Variants in NXN observed in about 807,000 individuals in gnomAD.
NXN encodes the protein nucleoredoxin 1.
In NXN, 16 loss-of-function variants were observed where a neutral mutation model predicts 48.6. That is an observed-to-expected ratio of 0.33 (90% CI 0.22 to 0.50). The LOEUF (loss-of-function observed/expected upper bound fraction) is 0.50. Ranked by LOEUF, NXN falls within the 20% of genes least tolerant of loss-of-function variation. The pLI is 0.98. For synonymous variants in NXN, 281 were observed against 269.6 expected, an observed-to-expected ratio of 1.04 and a Z score of -0.41; for missense variants, 492 against 605.5, an observed-to-expected ratio of 0.81 and a Z score of 1.97.
At chr17:964,847 A>G (rs2069283289) in intron 1 of NXN, among the ~76,000 whole-genome samples, 1 of 152,266 alleles carries the variant, frequency 6.6e-6, no homozygotes. Context: ...GTCTATGGAT[A>G]ATTTTGAAAC....
chr17:883,848 C>G (rs576630502), intron 1 of NXN, among the ~76,000 whole-genome samples: 4 of 152,158 alleles, frequency 2.6e-5, no homozygotes, highest in Non-Finnish European at 4.4e-5. Flanking sequence ...CCCAGGCAGG[C>G]GGATGACCTG....
At chr17:876,675 T>G (rs2068219399) in intron 1 of NXN, among the ~76,000 whole-genome samples, 1 of 152,172 alleles carries the variant, frequency 6.6e-6, no homozygotes, top group African/African-American at 2.4e-5. Context: ...AATACCATCT[T>G]CATTCCTCAT....
intron 5 of NXN, among the ~76,000 whole-genome samples, chr17:806,948 G>A (rs590002): frequency 0.23 from 32,607 of 139,424 alleles, 3,559 homozygotes; most frequent in East Asian, 0.26. Flanking sequence ...ACACACACAC[G>A]CACGCGCCCA....
intron 5 of NXN, among the ~76,000 whole-genome samples, chr17:812,716 G>A (rs1344802278): frequency 2.0e-5 from 3 of 146,958 alleles, no homozygotes; most frequent in African/African-American, 7.5e-5. Context: ...TTGCATGTGA[G>A]TGTAGGGTGT....
At position 816,103 on chromosome 17, in the gene NXN, T is replaced by C. The variant is rs576896802; in HGVS notation, c.820+3336A>G. On this transcript the variant is annotated intron_variant, in intron 5 of 7. Transcript: ENST00000336868. The stretch of plus-strand genomic sequence containing the variant: ...TAACGCTTGGGAGAGACCTGGGCCC[T>C]ACGTAGCTGACTAGCATCTCACCTG... Among the ~76,000 whole-genome samples, 10 of 152,276 alleles carry C rather than the reference T, an allele frequency of 6.6e-5. No homozygotes were observed. In the South Asian group the frequency reaches 1.9e-3, roughly 28 times the overall value.
intron 1 of NXN, among the ~76,000 whole-genome samples, chr17:870,393 G>A (rs1329511143): frequency 1.3e-5 from 2 of 152,012 alleles, no homozygotes; most frequent in African/African-American, 4.8e-5. Context: ...CTGTTATCAC[G>A]TGATCAGAGT....
At chr17:944,741 G>A (rs750525688) in intron 1 of NXN, among the ~76,000 whole-genome samples, 1 of 152,264 alleles carries the variant, frequency 6.6e-6, no homozygotes, top group South Asian at 2.1e-4. Context: ...TGGGATTCCA[G>A]TGAGTTTGTA....
chr17:848,631 G>A (rs1018597692), intron 1 of NXN, among the ~76,000 whole-genome samples: 1 of 152,212 alleles, frequency 6.6e-6, no homozygotes, highest in African/African-American at 2.4e-5. Context: ...CAGTATTCGT[G>A]CATGTCACTT....
intron 1 of NXN, among the ~76,000 whole-genome samples, chr17:955,315 G>C (rs758012831): frequency 6.6e-6 from 1 of 151,680 alleles, no homozygotes; most frequent in Non-Finnish European, 1.5e-5. Flanking sequence ...TTACAGGCAT[G>C]CGCCACCACA....
intron 1 of NXN, among the ~76,000 whole-genome samples, chr17:853,085 C>A (rs1170155705): frequency 4.0e-5 from 6 of 151,682 alleles, no homozygotes; most frequent in Admixed American, 3.3e-4. Context: ...TCAAGCGATT[C>A]TCCTGCTTCA....
At chr17:905,675 G>C (rs1354430090) in intron 1 of NXN, among the ~76,000 whole-genome samples, 1 of 152,136 alleles carries the variant, frequency 6.6e-6, no homozygotes, top group Non-Finnish European at 1.5e-5. Flanking sequence ...TTTCTTAACA[G>C]TGAAAGGTAA....
intron 1 of NXN, among the ~76,000 whole-genome samples, chr17:960,581 C>T (rs1475566587): frequency 6.7e-6 from 1 of 150,314 alleles, no homozygotes; most frequent in Non-Finnish European, 1.5e-5. Flanking sequence ...TGGGCTCAAG[C>T]GATGCTTCCA....
At chr17:934,228 G>A (rs11653223) in intron 1 of NXN, among the ~76,000 whole-genome samples, 45,514 of 151,738 alleles carry the variant, frequency 0.3, 7,408 homozygotes, top group East Asian at 0.42. Flanking sequence ...GGCGGATCAC[G>A]AGGTCAGGAG....
intron 1 of NXN, among the ~76,000 whole-genome samples, chr17:942,117 G>T (rs1355982588): frequency 2.9e-5 from 3 of 102,652 alleles, no homozygotes; most frequent in Non-Finnish European, 6.0e-5. Context: ...AAGATTCCAG[G>T]GTGCAGCCAT....
At chr17:814,337 T>A (rs578075612) in intron 5 of NXN, among the ~76,000 whole-genome samples, 1 of 152,134 alleles carries the variant, frequency 6.6e-6, no homozygotes, top group African/African-American at 2.4e-5. Flanking sequence ...GGCCTGAGCG[T>A]TGGCCACCAG....
At chr17:963,230 C>T (rs2069259938) in intron 1 of NXN, among the ~76,000 whole-genome samples, 5 of 150,772 alleles carry the variant, frequency 3.3e-5, no homozygotes, top group Admixed American at 2.6e-4. Context: ...CACACACACA[C>T]ACACACACAC....
At chr17:862,861 A>C (rs970961007) in intron 1 of NXN, among the ~76,000 whole-genome samples, 1 of 152,220 alleles carries the variant, frequency 6.6e-6, no homozygotes, top group Non-Finnish European at 1.5e-5. Context: ...AGACTCTGGA[A>C]AATTCTGCAA....
intron 1 of NXN, among the ~76,000 whole-genome samples, chr17:934,664 AG>A (rs920466408): frequency 6.6e-6 from 1 of 151,918 alleles, no homozygotes; most frequent in Non-Finnish European, 1.5e-5. Flanking sequence ...ACCTGAGGTC[AG>A]GAGTTCGGGA....
chr17:838,923 T>C (rs1913978228), intron 1 of NXN, among the ~76,000 whole-genome samples: 1 of 152,168 alleles, frequency 6.6e-6, no homozygotes, highest in Non-Finnish European at 1.5e-5. Context: ...GGAGGCCGTG[T>C]GGGATAGATC....
Sources: gnomAD v4.1 joint callset for allele counts (sites outside exome capture counted in the v4.1 genomes callset) on GRCh38, gnomAD v4.1.1 for gene constraint, MANE v1.5 for transcripts, NCBI Gene and HGNC (gene_info 2026-07-23, HGNC 2026-07-21) for gene names.